CDH13: variants seen among roughly 807,000 people sequenced by gnomAD.
The protein encoded by CDH13 is cadherin 13.
A neutral mutation model predicts 63.8 loss-of-function variants in CDH13; 24 were observed. The observed-to-expected ratio is 0.38, with a 90% CI of 0.27 to 0.53. CDH13 has a LOEUF of 0.53. CDH13 is among the 20% of genes least tolerant of loss of function. CDH13 has a pLI of 0.85. For synonymous variants in CDH13, 503 were observed against 355.3 expected (o/e 1.42, Z -4.67); for missense variants, 1,049 against 903.1 (o/e 1.16, Z -2.07).
intron 6 of CDH13, among the ~76,000 whole-genome samples, chr16:83,482,782 C>A (rs1402008721): frequency 6.6e-6 from 1 of 152,100 alleles, no homozygotes; most frequent in African/African-American, 2.4e-5. Flanking sequence ...TTGTGATATC[C>A]ACAGTAGAAA....
At chr16:82,670,459 G>C (rs915592059) in intron 1 of CDH13, among the ~76,000 whole-genome samples, 19 of 152,160 alleles carry the variant, frequency 1.2e-4, no homozygotes, top group Non-Finnish European at 4.4e-5. Flanking sequence ...AGCAATTCTG[G>C]AATTAATAAA....
intron 3 of CDH13, among the ~76,000 whole-genome samples, chr16:83,081,258 G>T (rs989595482): frequency 2.0e-5 from 3 of 152,134 alleles, no homozygotes; most frequent in Admixed American, 6.6e-5. Context: ...AGCACCTGCT[G>T]TGTATCAACC....
rs544112334 is a variant in CDH13 at position 83,171,093 on chromosome 16, T to C, written c.483+45592T>C. On this transcript the variant is annotated intron_variant, in intron 4 of 13. Transcript: ENST00000567109. The stretch of plus-strand genomic sequence containing the variant: ...TATAAAGAGAAGAGGTTTAATTCGC[T>C]CGTGGTTCTGCAGGCTGTGCAGGAA... 5.3e-3 allele frequency among the ~76,000 whole-genome samples: 807 copies of C among 152,158 alleles called. 10 individuals carry two copies. Among genetic ancestry groups the C allele is most frequent in the African/African-American group, 0.019 (772 of 41,540 alleles).
intron 6 of CDH13, among the ~76,000 whole-genome samples, chr16:83,438,834 AAGAAC>A (rs1380315435): frequency 6.6e-6 from 1 of 152,238 alleles, no homozygotes; most frequent in Non-Finnish European, 1.5e-5. Context: ...GTGACATTGA[AAGAAC>A]AGAACAATCT....
intron 11 of CDH13, among the ~76,000 whole-genome samples, chr16:83,776,871 G>A (rs999495347): frequency 2.6e-5 from 4 of 152,112 alleles, no homozygotes; most frequent in Non-Finnish European, 4.4e-5. Context: ...TTTCACCCTG[G>A]GTAACCACTT....
chr16:83,732,538 A>T (rs1911140336), intron 10 of CDH13, among the ~76,000 whole-genome samples: 2 of 152,134 alleles, frequency 1.3e-5, no homozygotes, highest in South Asian at 4.2e-4. Context: ...AGAATAGAGG[A>T]CCCGGAAACT....
intron 3 of CDH13, among the ~76,000 whole-genome samples, chr16:83,104,621 T>C (rs921011196): frequency 9.8e-6 from 1 of 101,570 alleles, no homozygotes; most frequent in Non-Finnish European, 1.9e-5. Flanking sequence ...TACCAGGCGG[T>C]GGCGGGGGTG....
At chr16:83,726,660 C>T (rs1282301978) in intron 10 of CDH13, among the ~76,000 whole-genome samples, 1 of 152,112 alleles carries the variant, frequency 6.6e-6, no homozygotes, top group Non-Finnish European at 1.5e-5. Flanking sequence ...ACGGTGAAAC[C>T]CCGTCTCTAC....
intron 6 of CDH13, among the ~76,000 whole-genome samples, chr16:83,418,206 G>A (rs903371567): frequency 5.3e-5 from 8 of 152,094 alleles, no homozygotes; most frequent in South Asian, 2.1e-4. Context: ...AATGGAGGGC[G>A]GTCTCACCTC....
At chr16:83,394,070 A>G (rs756143840) in intron 6 of CDH13, among the ~76,000 whole-genome samples, 24 of 152,138 alleles carry the variant, frequency 1.6e-4, no homozygotes, top group African/African-American at 5.1e-4. Flanking sequence ...GAAGGCAACA[A>G]TGAACACTGG....
chr16:82,762,871 T>G (rs117882049), intron 1 of CDH13, among the ~76,000 whole-genome samples: 1 of 152,202 alleles, frequency 6.6e-6, no homozygotes, highest in Non-Finnish European at 1.5e-5. Flanking sequence ...CTCTCTTCAT[T>G]AATAGCCATT....
intron 2 of CDH13, among the ~76,000 whole-genome samples, chr16:82,899,498 T>A (rs988941863): frequency 1.3e-5 from 2 of 152,172 alleles, no homozygotes; most frequent in Non-Finnish European, 2.9e-5. Flanking sequence ...TGTTTGATGA[T>A]AACGAATATC....
At chr16:83,057,692 C>G (rs564931695) in intron 3 of CDH13, among the ~76,000 whole-genome samples, 1 of 152,040 alleles carries the variant, frequency 6.6e-6, no homozygotes, top group Admixed American at 6.5e-5. Context: ...CCTGGCCATT[C>G]CCTTTGACCT....
intron 3 of CDH13, among the ~76,000 whole-genome samples, chr16:83,098,314 C>T (rs574446848): frequency 1.3e-5 from 2 of 152,280 alleles, no homozygotes; most frequent in South Asian, 2.1e-4. Context: ...CACTACTGCT[C>T]CTCTGGTTTT....
intron 1 of CDH13, among the ~76,000 whole-genome samples, chr16:82,677,855 C>G (rs1489214452): frequency 1.3e-5 from 2 of 152,126 alleles, no homozygotes; most frequent in African/African-American, 2.4e-5. Flanking sequence ...CTTTAAGTTT[C>G]TAATCAAACT....
chr16:83,018,710 G>T lies in CDH13; in HGVS notation c.158-13300G>T, dbSNP rs184717308. On this transcript the variant is annotated intron_variant, in intron 2 of 13. Transcript: ENST00000567109. ...CACAGAGTAGACTTACACAAACCTA[G>T]AGGGTATAGCCTATTACACACCTAG... 1.5e-3 allele frequency among the ~76,000 whole-genome samples: 224 copies of T among 152,308 alleles called. 3 individuals carry two copies. Among genetic ancestry groups the T allele is most frequent in the Non-Finnish European group, 2.5e-4 (17 of 68,028 alleles).
intron 2 of CDH13, among the ~76,000 whole-genome samples, chr16:82,948,811 C>T (rs796190270): frequency 7.9e-5 from 12 of 152,190 alleles, no homozygotes; most frequent in African/African-American, 2.6e-4. Flanking sequence ...TGAATGTAAC[C>T]AATGTTCAAA....
chr16:82,910,471 T>C (rs1044926377), intron 2 of CDH13, among the ~76,000 whole-genome samples: 1 of 152,184 alleles, frequency 6.6e-6, no homozygotes, highest in African/African-American at 2.4e-5. Flanking sequence ...TTTGTATTAT[T>C]TATTCATGTT....
At chr16:83,188,615 T>C (rs1471391945) in intron 4 of CDH13, among the ~76,000 whole-genome samples, 1 of 152,208 alleles carries the variant, frequency 6.6e-6, no homozygotes, top group Non-Finnish European at 1.5e-5. Flanking sequence ...TTTTCTACTG[T>C]AACAGGCTGC....
Sources: allele counts gnomAD v4.1 joint callset (sites outside exome capture counted in the v4.1 genomes callset), GRCh38; gene constraint gnomAD v4.1.1; transcripts MANE v1.5; gene names NCBI Gene and HGNC (gene_info 2026-07-23, HGNC 2026-07-21).